Variants in CCDC80 observed in about 807,000 individuals in gnomAD.
The protein encoded by CCDC80 is coiled-coil domain-containing protein 80.
CCDC80 carries 49 observed loss-of-function variants against 78.7 expected under a neutral mutation model. That is an observed-to-expected ratio of 0.62 (90% CI 0.50 to 0.79). CCDC80 has a LOEUF of 0.79. CCDC80 is among the 30% of genes least tolerant of loss of function. The pLI is 0.00. For missense variants in CCDC80, 1,205 were observed against 1,198.6 expected (o/e 1.01, Z -0.08); for synonymous variants, 488 against 447.0 (o/e 1.09, Z -1.16).
At position 112,616,824 on chromosome 3, in the gene CCDC80, A is replaced by G. The variant is rs1225340765; in HGVS notation, c.2207T>C (p.Val736Ala). The G allele has an allele frequency of 6.2e-7, 1 of 1,614,102 alleles. No homozygotes were observed. The highest frequency in any genetic ancestry group is 1.7e-5 in the Admixed American group (1 of 60,030). Residue 736 changes from valine (V) to alanine (A), a missense_variant, in exon 5 of 8, where the codon GTG becomes GCG. By Grantham distance (64) the Val-to-Ala change is moderately conservative. Transcript: ENST00000206423. The stretch of plus-strand genomic sequence containing the variant: ...CTGGAAAGTATCGATCAGATCAAAC[A>G]CAGACTTCATTGTTATTGGTACCTC... ...YYEVPITMKS[V>A]FDLIDTFQSR...
intron 4 of CCDC80, 49 bp downstream of exon 4, chr3:112,618,919 T>C (rs749279562): frequency 1.7e-5 from 26 of 1,565,010 alleles, no homozygotes; most frequent in Non-Finnish European, 1.7e-5. Flanking sequence ...CAATTCAGAT[T>C]TGCTATTCTA....
At position 112,639,161 on chromosome 3, in the gene CCDC80, G is replaced by C. The variant is rs369161124; in HGVS notation, c.745C>G (p.Pro249Ala). Reference sequence around the variant, plus strand: ...ATGGCTTCCAGCCTAACGGGATATGGATAGCGCTCCTCCACCTGCAGCGTC... The same window carrying C: ...ATGGCTTCCAGCCTAACGGGATATGCATAGCGCTCCTCCACCTGCAGCGTC... Reference protein sequence around the residue: ...KKTLQVEERYPYPVRLEAMYE... With the variant: ...KKTLQVEERYAYPVRLEAMYE... The change falls in exon 2 of 8, where the codon CCA becomes GCA. Residue 249 changes from proline (P) to alanine (A), a missense_variant. Pro to Ala is a conservative substitution (Grantham distance 27). Coordinates refer to ENST00000206423, the MANE Select transcript of CCDC80 (RefSeq NM_199511.3). 4.0e-5 allele frequency: 64 copies of C among 1,614,030 alleles called. No homozygotes were observed. Among genetic ancestry groups the C allele is most frequent in the Non-Finnish European group, 5.3e-5 (62 of 1,180,032 alleles).
chr3:112,639,956 G>A (rs1246090779), intron 1 of CCDC80, 40 bp from the exon 2 acceptor site: 7 of 1,547,650 alleles, frequency 4.5e-6, no homozygotes, highest in East Asian at 2.3e-5. Flanking sequence ...AGGGGAGGGG[G>A]AAAAAAGAAA....
At chr3:112,632,954 A>G (rs547698979) in intron 2 of CCDC80, among the ~76,000 whole-genome samples, 2 of 152,294 alleles carry the variant, frequency 1.3e-5, no homozygotes, top group South Asian at 4.1e-4. Flanking sequence ...TCTTGGGCAG[A>G]GAGGCATAGA....
chr3:112,635,202 C>T (rs1392795359), intron 2 of CCDC80, among the ~76,000 whole-genome samples: 1 of 152,160 alleles, frequency 6.6e-6, no homozygotes, highest in Admixed American at 6.5e-5. Context: ...CTAAAGAATG[C>T]TATAAATAAA....
At chr3:112,614,292 C>T (rs1035501307) in intron 5 of CCDC80, among the ~76,000 whole-genome samples, 3 of 152,140 alleles carry the variant, frequency 2.0e-5, no homozygotes, top group East Asian at 1.9e-4. Flanking sequence ...AATAAAATTT[C>T]GAAGCCTAAT....
intron 5 of CCDC80, among the ~76,000 whole-genome samples, chr3:112,613,341 T>C (rs1185149662): frequency 1.3e-5 from 2 of 152,202 alleles, no homozygotes; most frequent in Non-Finnish European, 2.9e-5. Context: ...ATTGTAATTA[T>C]ATATATCTCT....
At position 112,618,978 on chromosome 3, in the gene CCDC80, AGATCCACATCT is replaced by A; in HGVS notation, c.2151_2161del (p.Asp718GlufsTer7). The A allele has an allele frequency of 6.2e-7, 1 of 1,613,848 alleles. No individual in the cohort carries two copies. The highest frequency in any genetic ancestry group is 8.5e-7 in the Non-Finnish European group (1 of 1,179,914). On this transcript the variant is annotated frameshift_variant, in exon 4 of 8. Coordinates refer to ENST00000206423, the MANE Select transcript of CCDC80 (RefSeq NM_199511.3). LOFTEE classifies it high-confidence loss of function. ...AATAAGAAACTGTACCTTGACTCTCAGATCCACATCTGTTAGCACCATGAAGAAGTCATTGT... is the reference window on the plus strand; with the variant it reads ...AATAAGAAACTGTACCTTGACTCTCAGTTAGCACCATGAAGAAGTCATTGT...
At chr3:112,609,942 T>C (rs747418513) in intron 6 of CCDC80, 36 bp downstream of exon 6, 1 of 1,396,218 alleles carries the variant, frequency 7.2e-7, no homozygotes. Context: ...AGGAGAGTGG[T>C]ATGGGAAAGC....
Position 112,639,991 on chromosome 3 carries a change from G to A in CCDC80, c.-11-75C>T, listed in dbSNP as rs1936310804. 4.0e-6 allele frequency: 6 copies of A among 1,488,904 alleles called. 1 individual carries two copies. Among genetic ancestry groups the A allele is most frequent in the South Asian group, 2.8e-5 (2 of 72,074 alleles). The allele number at this position is 1,488,904 out of a possible 1,614,324, so 92.2% of individuals were successfully genotyped here. ...AGAAAATTATTTATCTGGAAACAGA[G>A]CTGGTCATTTTCTTTTTCTGTATCT... On this transcript the variant is annotated intron_variant, in intron 1 of 7. Transcript: ENST00000206423.
intron 6 of CCDC80, among the ~76,000 whole-genome samples, chr3:112,609,077 A>G (rs1022682609): frequency 6.6e-6 from 1 of 152,054 alleles, no homozygotes; most frequent in Non-Finnish European, 1.5e-5. Flanking sequence ...TGTTGCCCTT[A>G]GCTACTTCCC....
chr3:112,615,970 T>C (rs1286398324), intron 5 of CCDC80, among the ~76,000 whole-genome samples: 1 of 152,238 alleles, frequency 6.6e-6, no homozygotes, highest in African/African-American at 2.4e-5. Flanking sequence ...GTTCTTCTAT[T>C]CCTTTACTTT....
At chr3:112,606,192 G>T (rs748369627) in intron 7 of CCDC80, among the ~76,000 whole-genome samples, 4 of 152,296 alleles carry the variant, frequency 2.6e-5, no homozygotes, top group Non-Finnish European at 4.4e-5. Flanking sequence ...TGTTAAAAGT[G>T]AAAATATCAA....
chr3:112,632,441 A>C (rs1161093631), intron 2 of CCDC80, among the ~76,000 whole-genome samples: 1 of 152,206 alleles, frequency 6.6e-6, no homozygotes, highest in African/African-American at 2.4e-5. Context: ...TAGATGACAG[A>C]AAATTATCTG....
In CCDC80 at chr3:112,638,494, C is replaced by G; in HGVS notation, c.1412G>C (p.Arg471Pro). The G allele has an allele frequency of 6.2e-7, 1 of 1,613,650 alleles. No homozygotes were observed. The highest frequency in any genetic ancestry group is 1.1e-5 in the South Asian group (1 of 91,028). Residue 471 changes from arginine (R) to proline (P), a missense_variant, in exon 2 of 8, where the codon CGG becomes CCG. Physicochemically the swap from Arg to Pro is moderately radical, Grantham distance 103 (BLOSUM62 -2). Coordinates refer to ENST00000206423, the MANE Select transcript of CCDC80 (RefSeq NM_199511.3). ...ATTTGGGTCTCGGTGGCCATGTTCC[C>G]GCCTGTCCATGCGGTTGTCCCGGAA... ...GRFRDNRMDR[R>P]EHGHRDPNVV...
At chr3:112,614,641 G>T (rs560226211) in intron 5 of CCDC80, among the ~76,000 whole-genome samples, 1 of 152,240 alleles carries the variant, frequency 6.6e-6, no homozygotes, top group African/African-American at 2.4e-5. Flanking sequence ...ACGGATACTT[G>T]TACTGCATTG....
chr3:112,629,230 G>A (rs371194693), intron 3 of CCDC80, among the ~76,000 whole-genome samples: 15 of 150,188 alleles, frequency 1.0e-4, no homozygotes, highest in African/African-American at 2.4e-4. Context: ...TATATTTTAC[G>A]GAAACTATGC....
Position 112,601,697 on chromosome 3 carries a change from G to GAAAAAAAA in CCDC80, c.*3719_*3720insTTTTTTTT, listed in dbSNP as rs767380051. The GAAAAAAAA allele has an allele frequency of 4.3e-5, 2 of 46,140 alleles. No homozygotes were observed. The highest frequency in any genetic ancestry group is 2.0e-4 in the Non-Finnish European group (2 of 10,196). 2.9% of individuals were successfully genotyped at this position (46,140 alleles called of 1,614,324 possible). ...CTCTCCAAAAAAAGAAAAAAAAAAA[G>GAAAAAAAA]AGAAAAAAAAGAAGCAGCAGCAACG... On this transcript the variant is annotated 3_prime_UTR_variant, in exon 8 of 8. Coordinates refer to ENST00000206423, the MANE Select transcript of CCDC80 (RefSeq NM_199511.3).
Position 112,638,133 on chromosome 3 carries a change from T to C in CCDC80, c.1773A>G (p.Thr591=), listed in dbSNP as rs1224530594. ...TGGGTTTCTGATAGCCATCCTGTTCTGTTTTACCTCCTTTTTTCTTCTTGC... is the reference window on the plus strand; with the variant it reads ...TGGGTTTCTGATAGCCATCCTGTTCCGTTTTACCTCCTTTTTTCTTCTTGC... ...EKSKKKKGGK[T]EQDGYQKPTN... Residue 591 remains threonine, a synonymous_variant, in exon 2 of 8, where the codon ACA becomes ACG. Transcript: ENST00000206423. 6.2e-7 allele frequency: 1 copy of C among 1,614,230 alleles called. No individual in the cohort carries two copies. The highest frequency in any genetic ancestry group is 8.5e-7 in the Non-Finnish European group (1 of 1,180,040).
Sources: allele counts gnomAD v4.1 joint callset (sites outside exome capture counted in the v4.1 genomes callset), GRCh38; gene constraint gnomAD v4.1.1; transcripts MANE v1.5; gene names NCBI Gene and HGNC (gene_info 2026-07-23, HGNC 2026-07-21).